The following MAGI2 variants were observed in gnomAD, a reference collection of about 807,000 sequenced individuals.
MAGI2 encodes membrane associated guanylate kinase, WW and PDZ domain containing 2, also known as membrane-associated guanylate kinase, WW and PDZ domain-containing protein 2.
In MAGI2, 35 loss-of-function variants were observed where a neutral mutation model predicts 133.3. That is an observed-to-expected ratio of 0.26 (90% CI 0.20 to 0.35). The LOEUF (loss-of-function observed/expected upper bound fraction) is 0.35. MAGI2 is among the 10% of genes least tolerant of loss of function. MAGI2 has a pLI of 1.00. For synonymous variants in MAGI2, 729 were observed against 710.6 expected (o/e 1.03, Z -0.41); for missense variants, 1,636 against 1,863.4 (o/e 0.88, Z 2.25).
At chr7:78,239,716 G>A (rs1281208722) in intron 10 of MAGI2, among the ~76,000 whole-genome samples, 3 of 152,132 alleles carry the variant, frequency 2.0e-5, no homozygotes, top group Admixed American at 1.3e-4. Context: ...GTATCGCCTC[G>A]CTCCTGTTAG....
rs115930727 is a variant in MAGI2, at chr7:78,862,621, A to T, written c.418+144469T>A. 2.1e-3 allele frequency among the ~76,000 whole-genome samples: 323 copies of T among 152,306 alleles called. 3 individuals carry two copies. The highest frequency in any genetic ancestry group is 7.5e-3 in the African/African-American group (310 of 41,578). On this transcript the variant is annotated intron_variant, in intron 2 of 21. Coordinates refer to ENST00000354212, the MANE Select transcript of MAGI2 (RefSeq NM_012301.4). The stretch of plus-strand genomic sequence containing the variant: ...TAATTTCATTCATGAACTTTTTCCT[A>T]ACCACTCATGTTCTCTCAAGCATAG...
intron 1 of MAGI2, among the ~76,000 whole-genome samples, chr7:79,417,753 A>C (rs34587832): frequency 0.036 from 5,467 of 151,950 alleles, 189 homozygotes; most frequent in East Asian, 0.18. Flanking sequence ...ATATGCACAA[A>C]AAAAAAAAAT....
At chr7:78,542,260 C>T (rs1206005615) in intron 3 of MAGI2, among the ~76,000 whole-genome samples, 4 of 152,030 alleles carry the variant, frequency 2.6e-5, no homozygotes, top group Non-Finnish European at 5.9e-5. Flanking sequence ...GTTTTCCAAC[C>T]CCCAGTCTAT....
rs1184941818 is a variant in MAGI2 at position 79,077,594 on chromosome 7, A to T, written c.302-70388T>A. ...CCTCTCAAAAAAAAAAAAAAAAAAAAATAAATAAATAAATAAATTCCCTTT... is the reference window on the plus strand; with the variant it reads ...CCTCTCAAAAAAAAAAAAAAAAAAATATAAATAAATAAATAAATTCCCTTT... On this transcript the variant is annotated intron_variant, in intron 1 of 21. Coordinates refer to ENST00000354212, the MANE Select transcript of MAGI2 (RefSeq NM_012301.4). 1.1e-3 allele frequency among the ~76,000 whole-genome samples: 59 copies of T among 53,672 alleles called. 6 individuals are homozygous for T. In the South Asian group the frequency reaches 0.021, roughly 19 times the overall value. 35.2% of individuals were successfully genotyped at this position (53,672 alleles called of 152,430 possible). A position where few individuals can be genotyped will look rare whatever the true frequency, so the allele number is the denominator to read the frequency against.
At chr7:79,127,422 T>G (rs1820522061) in intron 1 of MAGI2, among the ~76,000 whole-genome samples, 2 of 152,102 alleles carry the variant, frequency 1.3e-5, no homozygotes, top group Admixed American at 6.5e-5. Context: ...ACCAACAGTG[T>G]AAAAGTGTTC....
At chr7:78,722,921 T>C (rs1205782134) in intron 2 of MAGI2, among the ~76,000 whole-genome samples, 1 of 152,058 alleles carries the variant, frequency 6.6e-6, no homozygotes, top group African/African-American at 2.4e-5. Context: ...TATAGAATAA[T>C]ATAATCATAG....
intron 2 of MAGI2, among the ~76,000 whole-genome samples, chr7:78,918,674 A>G (rs1484691893): frequency 6.6e-6 from 1 of 152,188 alleles, no homozygotes; most frequent in African/African-American, 2.4e-5. Context: ...AAAAGGTTAT[A>G]TAACTACTGG....
At position 78,324,160 on chromosome 7, in the gene MAGI2, CACTACACTACACACT is replaced by C. The variant is rs1482562617; in HGVS notation, c.1408+19603_1408+19617del. On this transcript the variant is annotated intron_variant, in intron 9 of 21. Transcript: ENST00000354212. ...CTACACTACACTACACTACACACTA[CACTACACTACACACT>C]ACACTACACTACACTACACTACACT... 1.2e-4 allele frequency among the ~76,000 whole-genome samples: 17 copies of C among 139,526 alleles called. No homozygotes were observed. In the East Asian group the frequency reaches 1.2e-3, roughly 10 times the overall value. 91.5% of individuals were successfully genotyped at this position (139,526 alleles called of 152,430 possible).
chr7:78,559,833 A>C (rs910650245), intron 3 of MAGI2, among the ~76,000 whole-genome samples: 1 of 152,224 alleles, frequency 6.6e-6, no homozygotes, highest in African/African-American at 2.4e-5. Context: ...TTTTATATAC[A>C]TACAAACATG....
chr7:78,680,035 T>A (rs1585064431), intron 2 of MAGI2, among the ~76,000 whole-genome samples: 2 of 152,278 alleles, frequency 1.3e-5, no homozygotes, highest in East Asian at 3.9e-4. Context: ...GTCTTCTTCA[T>A]CTATCTTTAC....
chr7:78,719,314 G>A (rs993300432), intron 2 of MAGI2, among the ~76,000 whole-genome samples: 34 of 151,876 alleles, frequency 2.2e-4, no homozygotes, highest in African/African-American at 8.2e-4. Context: ...CCCATTTTTT[G>A]TATAATAAAC....
chr7:78,558,252 G>A (rs549698274), intron 3 of MAGI2, among the ~76,000 whole-genome samples: 1 of 152,210 alleles, frequency 6.6e-6, no homozygotes, highest in South Asian at 2.1e-4. Context: ...AGAGACAAAC[G>A]TTAATTTAAA....
At chr7:79,336,474 G>A (rs562227379) in intron 1 of MAGI2, among the ~76,000 whole-genome samples, 1 of 152,072 alleles carries the variant, frequency 6.6e-6, no homozygotes, top group African/African-American at 2.4e-5. Flanking sequence ...TGACCAATAT[G>A]AAAATAAAAA....
At chr7:78,856,940 T>C (rs1793699472) in intron 2 of MAGI2, among the ~76,000 whole-genome samples, 1 of 152,194 alleles carries the variant, frequency 6.6e-6, no homozygotes, top group Non-Finnish European at 1.5e-5. Flanking sequence ...AGCAGTGGTT[T>C]GTAGTTCTCC....
intron 6 of MAGI2, among the ~76,000 whole-genome samples, chr7:78,414,718 T>C (rs1048958895): frequency 7.2e-5 from 11 of 152,010 alleles, no homozygotes; most frequent in Middle Eastern, 3.2e-3. Context: ...TATTTGCTGG[T>C]ATGGAAATGG....
intron 2 of MAGI2, among the ~76,000 whole-genome samples, chr7:78,826,624 C>T (rs1790676226): frequency 6.6e-6 from 1 of 152,110 alleles, no homozygotes; most frequent in East Asian, 1.9e-4. Flanking sequence ...TGGAATTCTA[C>T]AGCACATAGC....
chr7:79,073,595 A>G (rs17151928), intron 1 of MAGI2, among the ~76,000 whole-genome samples: 96,701 of 151,862 alleles, frequency 0.64, 37,486 homozygotes, highest in Non-Finnish European at 0.86. Flanking sequence ...CAGAAATCTT[A>G]TATCTTCTAT....
intron 3 of MAGI2, among the ~76,000 whole-genome samples, chr7:78,564,707 C>T (rs1050557685): frequency 6.9e-6 from 1 of 145,868 alleles, no homozygotes; most frequent in African/African-American, 2.5e-5. Flanking sequence ...GTTTGGCGAT[C>T]ATTTAGCTCT....
intron 1 of MAGI2, among the ~76,000 whole-genome samples, chr7:79,307,618 A>G (rs924669831): frequency 6.6e-6 from 1 of 152,208 alleles, no homozygotes; most frequent in African/African-American, 2.4e-5. Flanking sequence ...CAGCAAAAAG[A>G]AATAACGAGG....
Sources: allele counts gnomAD v4.1 joint callset (sites outside exome capture counted in the v4.1 genomes callset), GRCh38; gene constraint gnomAD v4.1.1; transcripts MANE v1.5; gene names NCBI Gene and HGNC (gene_info 2026-07-23, HGNC 2026-07-21).